SLC29A4: variants seen among roughly 807,000 people sequenced by gnomAD.
SLC29A4 encodes solute carrier family 29 member 4, also known as equilibrative nucleoside transporter 4.
Under a neutral mutation model 43.9 loss-of-function variants are expected in SLC29A4, and 36 were observed. The observed-to-expected ratio is 0.82, with a 90% CI of 0.63 to 1.08. SLC29A4 has a LOEUF of 1.08. SLC29A4 is among the 50% of genes least tolerant of loss of function. SLC29A4 has a pLI of 0.00. For synonymous variants in SLC29A4, 491 were observed against 338.0 expected (o/e 1.45, Z -4.97); for missense variants, 869 against 755.3 (o/e 1.15, Z -1.77).
intron 10 of SLC29A4, among the ~76,000 whole-genome samples, chr7:5,301,194 T>C (rs1165725415): frequency 2.0e-5 from 3 of 150,118 alleles, no homozygotes. Context: ...AGCCCAGGAG[T>C]TGGAGGTTGC....
Position 5,300,525 on chromosome 7 carries a change from G to A in SLC29A4, c.1313G>A (p.Ser438Asn), listed in dbSNP as rs1786075146. The A allele has an allele frequency of 6.2e-7, 1 of 1,612,256 alleles. No individual in the cohort carries two copies. The highest frequency in any genetic ancestry group is 8.5e-7 in the Non-Finnish European group (1 of 1,179,780). ...CTCTTCATCCTGTGCGTCTACCCCAGCGGCATGCCCGCCCTCCGTCACCCC... is the reference window on the plus strand; with the variant it reads ...CTCTTCATCCTGTGCGTCTACCCCAACGGCATGCCCGCCCTCCGTCACCCC... Reference protein sequence around the residue: ...IPLFILCVYPSGMPALRHPAW... With the variant: ...IPLFILCVYPNGMPALRHPAW... The change falls in exon 10 of 11, where the codon AGC (serine) becomes AAC (asparagine). Residue 438 changes from serine to asparagine, a missense_variant. Transcript: ENST00000396872.
At chr7:5,286,661 G>A (rs1784972496) in intron 1 of SLC29A4, among the ~76,000 whole-genome samples, 1 of 152,170 alleles carries the variant, frequency 6.6e-6, no homozygotes, top group Non-Finnish European at 1.5e-5. Flanking sequence ...CGAAGGTCAG[G>A]GCTGGCAGAT....
rs759803507 is a variant in SLC29A4 at position 5,297,166 on chromosome 7, C to T, written c.850C>T (p.His284Tyr). The T allele has an allele frequency of 1.2e-4, 192 of 1,596,558 alleles. No individual in the cohort carries two copies. The highest frequency in any genetic ancestry group is 1.6e-4 in the Non-Finnish European group (185 of 1,176,132). ...GLGRGYGYRV[H>Y]HDVVAGDVHF... ...GGGCAGGGGCTATGGCTACCGCGTGCACCACGACGTTGTCGCCGGGGACGT... is the reference window on the plus strand; with the variant it reads ...GGGCAGGGGCTATGGCTACCGCGTGTACCACGACGTTGTCGCCGGGGACGT... Residue 284 changes from histidine (H) to tyrosine (Y), a missense_variant, in exon 7 of 11, where the codon CAC becomes TAC. Coordinates refer to ENST00000396872, the MANE Select transcript of SLC29A4 (RefSeq NM_153247.4).
In SLC29A4 at chr7:5,291,837, C is replaced by T. The variant is rs771848031; in HGVS notation, c.544+16C>T. ...GGCTGCACAGGTAGGAACCGGGGCC[C>T]AAGGGGGAGGCCTTGAGTGCCCACT... On this transcript the variant is annotated intron_variant, in intron 5 of 10. Coordinates refer to ENST00000396872, the MANE Select transcript of SLC29A4 (RefSeq NM_153247.4). The T allele has an allele frequency of 1.2e-6, 2 of 1,608,400 alleles. No individual in the cohort carries two copies. The highest frequency in any genetic ancestry group is 1.7e-6 in the Non-Finnish European group (2 of 1,177,770).
rs1326191320 is a variant in SLC29A4, at chr7:5,304,536, T to TCTTG, written c.*1600_*1603dup. The TCTTG allele has an allele frequency of 2.0e-5, 3 of 152,010 alleles. No individual in the cohort carries two copies. The highest frequency in any genetic ancestry group is 4.4e-5 in the Non-Finnish European group (3 of 68,068). The allele number at this position is 152,010 out of a possible 1,614,324, so 9.4% of individuals were successfully genotyped here. A position where few individuals can be genotyped will look rare whatever the true frequency, so the allele number is the denominator to read the frequency against. On this transcript the variant is annotated 3_prime_UTR_variant, in exon 11 of 11. Coordinates refer to ENST00000396872, the MANE Select transcript of SLC29A4 (RefSeq NM_153247.4). ...TTTTTATTTTTTTTTTGAGACTGAG[T>TCTTG]CTTGCTCTTGTCACCCAGGCTGGAG...
chr7:5,301,166 A>C (rs2128092728), intron 10 of SLC29A4, among the ~76,000 whole-genome samples: 1 of 151,864 alleles, frequency 6.6e-6, no homozygotes, highest in South Asian at 2.1e-4. Flanking sequence ...CGGGAGGCTG[A>C]GATGGGAGGA....
In SLC29A4 at chr7:5,302,854, A is replaced by G. The variant is rs763618190; in HGVS notation, c.1508A>G (p.Tyr503Cys). Residue 503 changes from tyrosine (Y) to cysteine (C), a missense_variant, in exon 11 of 11, where the codon TAC becomes TGC. Coordinates refer to ENST00000396872, the MANE Select transcript of SLC29A4 (RefSeq NM_153247.4). Reference protein sequence around the residue: ...SGLTLGSAVAYCTYSLTRDAH... With the variant: ...SGLTLGSAVACCTYSLTRDAH... ...CTGACGCTGGGGTCCGCCGTGGCCT[A>G]CTGCACCTACAGCCTCACCCGCGAC... 6.3e-7 allele frequency: 1 copy of G among 1,597,258 alleles called. No individual in the cohort carries two copies. Among genetic ancestry groups the G allele is most frequent in the Admixed American group, 1.7e-5 (1 of 58,276 alleles).
rs117109467 is a variant in SLC29A4, at chr7:5,286,929, C to T, written c.-8-880C>T. ...GCACGCGTGAGGCTCACTCATGTCA[C>T]CTGTTACTTCCAACTGCTCCCCAAG... On this transcript the variant is annotated intron_variant, in intron 1 of 10. Coordinates refer to ENST00000396872, the MANE Select transcript of SLC29A4 (RefSeq NM_153247.4). 4.0e-3 allele frequency among the ~76,000 whole-genome samples: 611 copies of T among 152,360 alleles called. 2 individuals are homozygous for T. The highest frequency in any genetic ancestry group is 6.8e-3 in the Middle Eastern group (2 of 294).
intron 10 of SLC29A4, among the ~76,000 whole-genome samples, 189 bp downstream of exon 10, chr7:5,300,851 A>T (rs189996185): frequency 1.3e-5 from 2 of 152,276 alleles, no homozygotes; most frequent in Admixed American, 1.3e-4. Flanking sequence ...TCGTTCGTTC[A>T]TCCCACAACT....
In SLC29A4 at chr7:5,297,483, C is replaced by G. The variant is rs114977403; in HGVS notation, c.882+285C>G. 3.7e-3 allele frequency among the ~76,000 whole-genome samples: 557 copies of G among 152,344 alleles called. 3 individuals carry two copies. Among genetic ancestry groups the G allele is most frequent in the African/African-American group, 0.013 (520 of 41,584 alleles). ...CCCCACGGCGTGGGGCGTGCATGGC[C>G]CCTGTCCTTAGTGACACTCCACATG... On this transcript the variant is annotated intron_variant, in intron 7 of 10. Coordinates refer to ENST00000396872, the MANE Select transcript of SLC29A4 (RefSeq NM_153247.4).
chr7:5,294,720 C>A, intron 5 of SLC29A4, 140 bp from the exon 6 acceptor site: 1 of 826,134 alleles, frequency 1.2e-6, no homozygotes, highest in South Asian at 1.5e-5. Flanking sequence ...CCTACTGCTG[C>A]GTGTCAAATC....
rs1785255108 is a variant in SLC29A4, at chr7:5,290,792, C to T, written c.230C>T (p.Ala77Val). 6.2e-7 allele frequency: 1 copy of T among 1,614,084 alleles called. No homozygotes were observed. The highest frequency in any genetic ancestry group is 1.7e-5 in the Admixed American group (1 of 60,024). ...GCCATCTACTTTGCGATGCTGCTGG[C>T]TGGCGTGGGCTTCCTGCTGCCATAC... ...YHAIYFAMLL[A>V]GVGFLLPYNS... Residue 77 changes from alanine (A) to valine (V), a missense_variant, in exon 3 of 11, where the codon GCT becomes GTT. Physicochemically the swap from Ala to Val is moderately conservative, Grantham distance 64 (BLOSUM62 0). Coordinates refer to ENST00000396872, the MANE Select transcript of SLC29A4 (RefSeq NM_153247.4).
chr7:5,283,797 G>C (rs1402263301), intron 1 of SLC29A4, among the ~76,000 whole-genome samples: 1 of 152,234 alleles, frequency 6.6e-6, no homozygotes, highest in East Asian at 1.9e-4. Flanking sequence ...CAACTAACCA[G>C]GGCTGGTGAC....
In SLC29A4 at chr7:5,287,965, T is replaced by G; in HGVS notation, c.149T>G (p.Val50Gly). 6.2e-7 allele frequency: 1 copy of G among 1,609,136 alleles called. No individual in the cohort carries two copies. The highest frequency in any genetic ancestry group is 1.3e-5 in the African/African-American group (1 of 74,816). The change falls in exon 2 of 11, where the codon GTC (valine) becomes GGC (glycine). Residue 50 changes from valine (V) to glycine (G), a missense_variant. Val to Gly is a moderately radical substitution (Grantham distance 109, BLOSUM62 -3). Coordinates refer to ENST00000396872, the MANE Select transcript of SLC29A4 (RefSeq NM_153247.4). Reference protein sequence around the residue: ...AQGQGLRARGVPAFTDTTLDE... With the variant: ...AQGQGLRARGGPAFTDTTLDE... ...GGCCAGGGCCTTAGGGCCAGGGGCG[T>G]CCCAGCTTTCACGGATACTAGTAAG... is the stretch of plus-strand genomic sequence containing the variant.
At chr7:5,298,492 A>C (rs369572689) in intron 7 of SLC29A4, among the ~76,000 whole-genome samples, 5 of 152,128 alleles carry the variant, frequency 3.3e-5, no homozygotes, top group African/African-American at 1.2e-4. Flanking sequence ...AATTTGCTGC[A>C]TCAGAAGTGT....
At position 5,303,019 on chromosome 7, in the gene SLC29A4, C is replaced by T; in HGVS notation, c.*80C>T. On this transcript the variant is annotated 3_prime_UTR_variant, in exon 11 of 11. Coordinates refer to ENST00000396872, the MANE Select transcript of SLC29A4 (RefSeq NM_153247.4). ...CTGAGGGCCCCTCCCCTGTCCCCAC[C>T]TCAGTGCCTGCGGGGCCCTGAGCCT... 1.3e-6 allele frequency: 2 copies of T among 1,497,612 alleles called. No homozygotes were observed. Among genetic ancestry groups the T allele is most frequent in the Non-Finnish European group, 1.8e-6 (2 of 1,114,934 alleles). The allele number at this position is 1,497,612 out of a possible 1,614,324, so 92.8% of individuals were successfully genotyped here.
At position 5,300,565 on chromosome 7, in the gene SLC29A4, C is replaced by T; in HGVS notation, c.1353C>T (p.Ile451=). ...PALRHPAWPC[I]FSLLMGISNG... ...TCCGTCACCCCGCCTGGCCCTGCAT[C>T]TTCTCACTGCTCATGGGCATCAGCA... Residue 451 remains isoleucine, a synonymous_variant, in exon 10 of 11, where the codon ATC becomes ATT. Transcript: ENST00000396872. The T allele has an allele frequency of 3.1e-6, 5 of 1,612,386 alleles. No individual in the cohort carries two copies. The highest frequency in any genetic ancestry group is 4.2e-6 in the Non-Finnish European group (5 of 1,179,680).
At chr7:5,293,325 C>T (rs1485919402) in intron 5 of SLC29A4, among the ~76,000 whole-genome samples, 1 of 152,028 alleles carries the variant, frequency 6.6e-6, no homozygotes, top group Non-Finnish European at 1.5e-5. Context: ...GCGCCCGCCA[C>T]CACACCTGGC....
At position 5,297,141 on chromosome 7, in the gene SLC29A4, G is replaced by T; in HGVS notation, c.825G>T (p.Leu275=). The part of the protein sequence containing the change: ...PRDSHRGRPG[L]GRGYGYRVHH... The stretch of plus-strand genomic sequence containing the variant: ...ACAGCCACCGGGGCAGGCCAGGCCT[G>T]GGCAGGGGCTATGGCTACCGCGTGC... The change falls in exon 7 of 11, where the codon CTG becomes CTT. Residue 275 remains leucine (L), a synonymous_variant. Coordinates refer to ENST00000396872, the MANE Select transcript of SLC29A4 (RefSeq NM_153247.4). The T allele has an allele frequency of 6.2e-7, 1 of 1,604,412 alleles. No individual in the cohort carries two copies. Among genetic ancestry groups the T allele is most frequent in the Non-Finnish European group, 8.5e-7 (1 of 1,179,164 alleles).
Sources: allele counts gnomAD v4.1 joint callset (sites outside exome capture counted in the v4.1 genomes callset), GRCh38; gene constraint gnomAD v4.1.1; transcripts MANE v1.5; gene names NCBI Gene and HGNC (gene_info 2026-07-23, HGNC 2026-07-21).